Variants in NF1 observed in about 807,000 individuals in gnomAD.
The protein encoded by NF1 is neurofibromin 1.
Under a neutral mutation model 325.7 loss-of-function variants are expected in NF1, and 122 were observed. The observed-to-expected ratio is 0.37, with a 90% CI of 0.32 to 0.44. The LOEUF is 0.44. Among genes scored for constraint, NF1 ranks in the 20% least tolerant of loss-of-function variants. NF1 has a pLI of 1.00. For missense variants in NF1, 2,140 were observed against 3,415.4 expected (o/e 0.63, Z 9.31); for synonymous variants, 1,091 against 1,186.0 (o/e 0.92, Z 1.65).
chr17:31,360,729 C>T (rs2151588403), intron 57 of NF1, 26 bp downstream of exon 57: 1 of 1,565,218 alleles, frequency 6.4e-7, no homozygotes, highest in South Asian at 1.1e-5. Context: ...CTTTATATGA[C>T]TTTGAGCAAC....
chr17:31,223,873 A>C (rs1331942383), intron 16 of NF1, among the ~76,000 whole-genome samples: 3 of 152,296 alleles, frequency 2.0e-5, no homozygotes, highest in African/African-American at 7.2e-5. Flanking sequence ...TGAGGAGCAT[A>C]TTGTATCTTT....
chr17:31,194,877 C>G (rs1224839014), intron 8 of NF1, among the ~76,000 whole-genome samples: 1 of 152,198 alleles, frequency 6.6e-6, no homozygotes, highest in Non-Finnish European at 1.5e-5. Context: ...TAAAACATTT[C>G]CTTCCAGTGC....
At chr17:31,260,749 T>G (rs1183074360) in intron 34 of NF1, among the ~76,000 whole-genome samples, 4 of 152,180 alleles carry the variant, frequency 2.6e-5, no homozygotes, top group Non-Finnish European at 5.9e-5. Context: ...TTTTGTCAGG[T>G]TAAGAAATCA....
intron 1 of NF1, among the ~76,000 whole-genome samples, chr17:31,110,144 C>G (rs942266740): frequency 3.9e-5 from 6 of 152,060 alleles, no homozygotes; most frequent in African/African-American, 1.5e-4. Flanking sequence ...GTGTGATATA[C>G]AGGGAGAATT....
intron 11 of NF1, among the ~76,000 whole-genome samples, chr17:31,206,019 A>G (rs894763623): frequency 2.0e-5 from 3 of 152,090 alleles, no homozygotes; most frequent in Admixed American, 6.5e-5. Context: ...AAAGTGGGCA[A>G]TTTGTCTCAT....
chr17:31,301,131 G>A (rs2068564867), intron 36 of NF1, among the ~76,000 whole-genome samples: 1 of 151,904 alleles, frequency 6.6e-6, no homozygotes, highest in Non-Finnish European at 1.5e-5. Flanking sequence ...GTGTGTCTGT[G>A]TGTAATGCGC....
At chr17:31,130,213 T>C (rs1915249029) in intron 1 of NF1, among the ~76,000 whole-genome samples, 1 of 151,838 alleles carries the variant, frequency 6.6e-6, no homozygotes, top group Admixed American at 6.6e-5. Flanking sequence ...GTCCTCCAAC[T>C]CTGGGGGACT....
At chr17:31,095,543 AG>A in intron 1 of NF1, 174 bp downstream of exon 1, 1 of 520,988 alleles carries the variant, frequency 1.9e-6, no homozygotes, top group South Asian at 2.4e-5. Context: ...GCGGGAGGTG[AG>A]GGGTAGGAGG....
chr17:31,310,393 G>A (rs2068837897), intron 36 of NF1, among the ~76,000 whole-genome samples: 1 of 151,772 alleles, frequency 6.6e-6, no homozygotes, highest in Non-Finnish European at 1.5e-5. Context: ...TAGCAAGAAG[G>A]CAGTGTAGAT....
At chr17:31,350,621 A>G (rs1305359492) in intron 50 of NF1, among the ~76,000 whole-genome samples, 1 of 152,212 alleles carries the variant, frequency 6.6e-6, no homozygotes. Flanking sequence ...GCCTGGGGAA[A>G]AAAACTAACG....
chr17:31,373,283 T>C (rs1030258087), intron 57 of NF1, among the ~76,000 whole-genome samples: 1 of 152,238 alleles, frequency 6.6e-6, no homozygotes, highest in Admixed American at 6.5e-5. Flanking sequence ...TACTTTCTGC[T>C]GCTGGAGAGT....
intron 36 of NF1, chr17:31,318,727 A>G (rs200395851): frequency 2.5e-5 from 40 of 1,614,096 alleles, no homozygotes; most frequent in Non-Finnish European, 3.1e-5. Flanking sequence ...GACAGAAGGT[A>G]TATAAAGCTC....
intron 12 of NF1, among the ~76,000 whole-genome samples, chr17:31,209,313 C>T (rs983369429): frequency 3.9e-5 from 6 of 152,188 alleles, no homozygotes; most frequent in African/African-American, 1.4e-4. Context: ...TCAGAAGTAG[C>T]AATCTAGGAG....
intron 1 of NF1, among the ~76,000 whole-genome samples, chr17:31,113,818 ATCT>A (rs1317004050): frequency 6.6e-6 from 1 of 152,174 alleles, no homozygotes; most frequent in Non-Finnish European, 1.5e-5. Flanking sequence ...CAGATATTTC[ATCT>A]TCTTTACAAG....
rs2067084249 is a variant in NF1, at chr17:31,229,919, A to G, written c.2935A>G (p.Ser979Gly). ...KNLLDNHTEG[S>G]SEHLGQASIE... ...CTTGCTAGATAATCATACTGAAGGC[A>G]GCTCTGAACATCTAGGGCAAGCTAG... The change falls in exon 22 of 58, where the codon AGC (serine) becomes GGC (glycine). Residue 979 changes from serine to glycine, a missense_variant. This residue lies in a region of NF1 where 380 missense variants were observed against 639.3 expected (regional missense o/e 0.59). Coordinates refer to ENST00000358273, the MANE Select transcript of NF1 (RefSeq NM_001042492.3). 1 of 1,611,890 alleles carries G rather than the reference A, an allele frequency of 6.2e-7. No individual in the cohort carries two copies. Among genetic ancestry groups the G allele is most frequent in the South Asian group, 1.1e-5 (1 of 90,994 alleles).
At chr17:31,104,112 CA>C (rs1481744631) in intron 1 of NF1, among the ~76,000 whole-genome samples, 8 of 152,016 alleles carry the variant, frequency 5.3e-5, no homozygotes, top group African/African-American at 1.9e-4. Flanking sequence ...TGTCCTTAAA[CA>C]AAAGTTTAAG....
chr17:31,200,951 G>C, intron 9 of NF1, 86 bp from the exon 10 acceptor site: 1 of 1,572,190 alleles, frequency 6.4e-7, no homozygotes, highest in African/African-American at 1.3e-5. Context: ...CATTTGTGTG[G>C]GTAATGTGTT....
At position 31,360,851 on chromosome 17, in the gene NF1, A is replaced by G. The variant is rs1597870509; in HGVS notation, c.8377+148A>G. On this transcript the variant is annotated intron_variant, in intron 57 of 57. Coordinates refer to ENST00000358273, the MANE Select transcript of NF1 (RefSeq NM_001042492.3). ...TCTTCTTTACCTTGTAACTGACTTGACTTTTGTTATTCTATGAAGCTTTCT... is the reference window on the plus strand; with the variant it reads ...TCTTCTTTACCTTGTAACTGACTTGGCTTTTGTTATTCTATGAAGCTTTCT... 4.1e-6 allele frequency: 3 copies of G among 726,612 alleles called. No individual in the cohort carries two copies. In the East Asian group the frequency reaches 7.8e-5, roughly 19 times the overall value. The allele number at this position is 726,612 out of a possible 1,614,324, so 45.0% of individuals were successfully genotyped here.
intron 48 of NF1, among the ~76,000 whole-genome samples, chr17:31,347,780 G>T (rs1482080715): frequency 6.9e-6 from 1 of 145,736 alleles, no homozygotes; most frequent in South Asian, 2.3e-4. Flanking sequence ...TCAATTCACT[G>T]CCATATGTAA....
Sources: allele counts gnomAD v4.1 joint callset (sites outside exome capture counted in the v4.1 genomes callset), GRCh38; gene constraint gnomAD v4.1.1; regional missense constraint gnomAD v4.1.1; transcripts MANE v1.5; gene names NCBI Gene and HGNC (gene_info 2026-07-23, HGNC 2026-07-21).